CHI3L2: variants seen among roughly 807,000 people sequenced by gnomAD.
The protein encoded by CHI3L2 is chitinase 3 like 2, also known as chitinase-3-like protein 2.
Under a neutral mutation model 47.3 loss-of-function variants are expected in CHI3L2, and 47 were observed. The observed-to-expected ratio is 0.99, with a 90% CI of 0.79 to 1.27. CHI3L2 has a LOEUF of 1.27. Among genes scored for constraint, CHI3L2 ranks in the 50% most tolerant of loss-of-function variants. The probability of loss-of-function intolerance (pLI) is 0.00; values close to 1 mark genes in which losing one functional copy is unlikely to be tolerated. For synonymous variants in CHI3L2, 198 were observed against 169.9 expected, an observed-to-expected ratio of 1.17 and a Z score of -1.28; for missense variants, 497 against 462.1, an observed-to-expected ratio of 1.08 and a Z score of -0.69.
intron 7 of CHI3L2, among the ~76,000 whole-genome samples, chr1:111,236,879 G>T (rs1430650937): frequency 6.6e-6 from 1 of 152,184 alleles, no homozygotes; most frequent in Non-Finnish European, 1.5e-5. Context: ...GTGGATGGGG[G>T]ACAGAAAGTG....
chr1:111,243,300 T>C lies in CHI3L2; in HGVS notation c.*86T>C. 2.2e-6 allele frequency: 1 copy of C among 455,240 alleles called. No individual in the cohort carries two copies. Among genetic ancestry groups the C allele is most frequent in the Non-Finnish European group, 4.4e-6 (1 of 226,344 alleles). The allele number at this position is 455,240 out of a possible 1,614,324, so 28.2% of individuals were successfully genotyped here. ...AGGAATTCTCATGTGGGATTCCCCT[T>C]GCCAGGCTGGCCTTTGGATCTCTCT... On this transcript the variant is annotated 3_prime_UTR_variant, in exon 11 of 11. Transcript: ENST00000369748.
At position 111,235,759 on chromosome 1, in the gene CHI3L2, G is replaced by A. The variant is rs369615687; in HGVS notation, c.601G>A (p.Ala201Thr). 5.6e-6 allele frequency: 9 copies of A among 1,613,604 alleles called. No individual in the cohort carries two copies. The highest frequency in any genetic ancestry group is 7.6e-6 in the Non-Finnish European group (9 of 1,179,736). ...IDNSYQVEKL[A>T]KDLDFINLLS... The stretch of plus-strand genomic sequence containing the variant: ...TAACAGCTATCAAGTTGAGAAACTG[G>A]CAAAGTGAGTACATCAGAGCAACTT... The change falls in exon 6 of 11, where the codon GCA becomes ACA. Residue 201 changes from alanine to threonine, a missense_variant. Transcript: ENST00000369748.
chr1:111,232,481 T>C (rs927076420), intron 4 of CHI3L2, among the ~76,000 whole-genome samples: 3 of 152,226 alleles, frequency 2.0e-5, no homozygotes, highest in Non-Finnish European at 2.9e-5. Context: ...ATGCAAGCTA[T>C]GTGACTTTTG....
At chr1:111,241,045 T>C (rs1660037839) in intron 8 of CHI3L2, among the ~76,000 whole-genome samples, 1 of 152,194 alleles carries the variant, frequency 6.6e-6, no homozygotes, top group Non-Finnish European at 1.5e-5. Context: ...ATTGGAAGAT[T>C]TATTGGTCGG....
chr1:111,235,538 C>T, intron 5 of CHI3L2, 101 bp from the exon 6 acceptor site: 1 of 1,335,048 alleles, frequency 7.5e-7, no homozygotes, highest in Non-Finnish European at 1.0e-6. Context: ...TGATCCTTTC[C>T]ATCTAATGTG....
chr1:111,232,063 C>T (rs1216959006), intron 4 of CHI3L2, among the ~76,000 whole-genome samples: 1 of 152,190 alleles, frequency 6.6e-6, no homozygotes, highest in African/African-American at 2.4e-5. Context: ...TTATAGAAAT[C>T]TGATAGTACA....
chr1:111,236,613 G>A (rs56187544), intron 7 of CHI3L2, among the ~76,000 whole-genome samples: 13,614 of 151,682 alleles, frequency 0.09, 943 homozygotes, highest in East Asian at 0.35. Context: ...GACTCTTCAA[G>A]GTCGTGTGTT....
At chr1:111,234,794 T>C in intron 4 of CHI3L2, 113 bp from the exon 5 acceptor site, 1 of 981,274 alleles carries the variant, frequency 1.0e-6, no homozygotes, top group Non-Finnish European at 1.5e-6. Flanking sequence ...AATAGACAAA[T>C]TGTAAGTGAA....
chr1:111,242,087 C>A, intron 9 of CHI3L2, 140 bp from the exon 10 acceptor site: 1 of 1,041,770 alleles, frequency 9.6e-7, no homozygotes. Context: ...AATCTTACCC[C>A]TCAGGAAGTC....
In CHI3L2 at chr1:111,238,868, C is replaced by A; in HGVS notation, c.854C>A (p.Pro285His). Residue 285 changes from proline to histidine, a missense_variant, in exon 8 of 11, where the codon CCT becomes CAT. Transcript: ENST00000369748. ...TCTGCAGAAACCACCGTGGGGGCCC[C>A]TGCCTCTGGCCCTGGAGCTGCTGGA... ...LASAETTVGA[P>H]ASGPGAAGPI... is the part of the protein sequence containing the mutation. The A allele has an allele frequency of 6.2e-7, 1 of 1,613,550 alleles. No homozygotes were observed. The highest frequency in any genetic ancestry group is 2.2e-5 in the East Asian group (1 of 44,820).
At chr1:111,239,149 G>T (rs1424696856) in intron 8 of CHI3L2, among the ~76,000 whole-genome samples, 1 of 152,214 alleles carries the variant, frequency 6.6e-6, no homozygotes, top group Non-Finnish European at 1.5e-5. Flanking sequence ...AGAGGAGATG[G>T]AGCTAGCCAG....
chr1:111,241,161 A>G (rs1294933417), intron 8 of CHI3L2, among the ~76,000 whole-genome samples, 166 bp from the exon 9 acceptor site: 1 of 152,176 alleles, frequency 6.6e-6, no homozygotes, highest in Non-Finnish European at 1.5e-5. Flanking sequence ...ACCTTGGAAC[A>G]CCCACTTCAT....
rs140942072 is a variant in CHI3L2 at position 111,234,369 on chromosome 1, G to A, written c.330-538G>A. On this transcript the variant is annotated intron_variant, in intron 4 of 10. Transcript: ENST00000369748. ...AAGAGCACGCTAGGGGCAATCAGTG[G>A]ATGGAAAATCATAAAGAGGAAACAC... Among the ~76,000 whole-genome samples the A allele has an allele frequency of 2.0e-3, 307 of 152,252 alleles. 1 individual carries two copies. Among genetic ancestry groups the A allele is most frequent in the Non-Finnish European group, 3.5e-3 (235 of 68,028 alleles).
chr1:111,238,421 G>T (rs1391070281), intron 7 of CHI3L2, among the ~76,000 whole-genome samples: 5 of 152,340 alleles, frequency 3.3e-5, no homozygotes, highest in South Asian at 4.1e-4. Context: ...GTGTAGACAA[G>T]TTCCACAGGG....
chr1:111,232,712 A>G (rs1367054228), intron 4 of CHI3L2, among the ~76,000 whole-genome samples: 1 of 152,230 alleles, frequency 6.6e-6, no homozygotes. Context: ...GGTGCTGTGC[A>G]GAATAATTAT....
chr1:111,243,426 A>G lies in CHI3L2; in HGVS notation c.*212A>G. The G allele has an allele frequency of 2.8e-6, 1 of 358,086 alleles. No individual in the cohort carries two copies. Among genetic ancestry groups the G allele is most frequent in the Non-Finnish European group, 5.5e-6 (1 of 182,844 alleles). The allele number at this position is 358,086 out of a possible 1,614,324, so 22.2% of individuals were successfully genotyped here. A position where few individuals can be genotyped will look rare whatever the true frequency, so the allele number is the denominator to read the frequency against. On this transcript the variant is annotated 3_prime_UTR_variant, in exon 11 of 11. Coordinates refer to ENST00000369748, the MANE Select transcript of CHI3L2 (RefSeq NM_004000.3). ...CCCTGAAGTACAATAAAAAAAATTC[A>G]TTTTGCTCCAGTAAGTATGGCCTCA...
intron 8 of CHI3L2, among the ~76,000 whole-genome samples, 154 bp downstream of exon 8, chr1:111,239,086 G>T (rs578124308): frequency 6.6e-6 from 1 of 152,324 alleles, no homozygotes; most frequent in East Asian, 1.9e-4. Flanking sequence ...ACTCTGGGTT[G>T]GGAGAGGGTC....
At chr1:111,241,537 G>A (rs1557712590) in intron 9 of CHI3L2, 94 bp downstream of exon 9, 2 of 701,614 alleles carry the variant, frequency 2.9e-6, no homozygotes, top group South Asian at 1.8e-5. Context: ...AGAAGCTTCT[G>A]AGGCCCCAGA....
At position 111,243,415 on chromosome 1, in the gene CHI3L2, A is replaced by T. The variant is rs1312178949; in HGVS notation, c.*201A>T. The T allele has an allele frequency of 8.4e-6, 3 of 357,254 alleles. No individual in the cohort carries two copies. The highest frequency in any genetic ancestry group is 2.1e-5 in the African/African-American group (1 of 46,710). The allele number at this position is 357,254 out of a possible 1,614,324, so 22.1% of individuals were successfully genotyped here. ...TTGACTTGTTGCCCTGAAGTACAATAAAAAAAATTCATTTTGCTCCAGTAA... is the reference window on the plus strand; with the variant it reads ...TTGACTTGTTGCCCTGAAGTACAATTAAAAAAATTCATTTTGCTCCAGTAA... On this transcript the variant is annotated 3_prime_UTR_variant, in exon 11 of 11. Transcript: ENST00000369748.
Sources: allele counts gnomAD v4.1 joint callset (sites outside exome capture counted in the v4.1 genomes callset), GRCh38; gene constraint gnomAD v4.1.1; transcripts MANE v1.5; gene names NCBI Gene and HGNC (gene_info 2026-07-23, HGNC 2026-07-21).